The following ZBTB7C variants were observed in gnomAD, a reference collection of about 807,000 sequenced individuals.
ZBTB7C encodes zinc finger and BTB domain containing 7C.
ZBTB7C carries 8 observed loss-of-function variants against 25.7 expected under a neutral mutation model. The observed-to-expected ratio is 0.31, with a 90% CI of 0.18 to 0.56. The LOEUF (loss-of-function observed/expected upper bound fraction) is 0.56, where lower values mean the gene tolerates loss of function less well. Ranked by LOEUF, ZBTB7C falls within the 20% of genes least tolerant of loss-of-function variation. The probability of loss-of-function intolerance (pLI) is 0.91; values close to 1 mark genes in which losing one functional copy is unlikely to be tolerated. For synonymous variants in ZBTB7C, 394 were observed against 369.0 expected (o/e 1.07, Z -0.78); for missense variants, 824 against 855.2 (o/e 0.96, Z 0.46).
chr18:48,295,001 C>G (rs2045347039), intron 2 of ZBTB7C, among the ~76,000 whole-genome samples: 1 of 152,024 alleles, frequency 6.6e-6, no homozygotes, highest in Admixed American at 6.6e-5. Flanking sequence ...CTTGGGGCAT[C>G]CTGCTTCTGC....
intron 3 of ZBTB7C, among the ~76,000 whole-genome samples, chr18:48,068,143 T>TG (rs2037401055): frequency 6.7e-6 from 1 of 149,528 alleles, no homozygotes; most frequent in African/African-American, 2.5e-5. Context: ...TAAGTCTTTT[T>TG]TTTTTTTTTT....
intron 2 of ZBTB7C, among the ~76,000 whole-genome samples, chr18:48,283,744 TAA>T (rs1487095139): frequency 2.6e-5 from 4 of 152,200 alleles, no homozygotes; most frequent in African/African-American, 4.8e-5. Flanking sequence ...AAAATAAGTA[TAA>T]GAGTTCTCCT....
chr18:48,142,605 G>A (rs532972489), intron 3 of ZBTB7C, among the ~76,000 whole-genome samples: 1 of 152,274 alleles, frequency 6.6e-6, no homozygotes, highest in African/African-American at 2.4e-5. Flanking sequence ...CACCCACTGT[G>A]GGAGGAGGGG....
Position 48,377,022 on chromosome 18 carries a change from G to C in ZBTB7C, c.-304+32204C>G, listed in dbSNP as rs185121075. ...TTCAGGGAGAAGGTCTGAGAAAGAG[G>C]GTTCCCAGAAAGAATCCAGGGGCTG... is the stretch of plus-strand genomic sequence containing the variant. On this transcript the variant is annotated intron_variant, in intron 1 of 4. Transcript: ENST00000590800. 3.4e-3 allele frequency among the ~76,000 whole-genome samples: 513 copies of C among 152,290 alleles called. 1 individual carries two copies. Among genetic ancestry groups the C allele is most frequent in the Middle Eastern group, 6.8e-3 (2 of 294 alleles).
chr18:48,108,562 T>C (rs572913337), intron 3 of ZBTB7C, among the ~76,000 whole-genome samples: 10 of 152,228 alleles, frequency 6.6e-5, no homozygotes, highest in African/African-American at 2.4e-4. Context: ...GCCTCCCAGA[T>C]AGTTAGGACT....
At chr18:48,234,701 A>G (rs2043334684) in intron 2 of ZBTB7C, among the ~76,000 whole-genome samples, 1 of 152,194 alleles carries the variant, frequency 6.6e-6, no homozygotes, top group African/African-American at 2.4e-5. Flanking sequence ...TATAGCCACT[A>G]CTTTAAACAT....
rs374294050 is a variant in ZBTB7C, at chr18:48,289,862, G to T, written c.-79+48312C>A. 3.9e-5 allele frequency among the ~76,000 whole-genome samples: 6 copies of T among 152,152 alleles called. No homozygotes were observed. The South Asian group carries it at 1.0e-3, about 26-fold the overall frequency. ...TCTGAAAAGTCCTAGAAGGGTGCAT[G>T]TTAGTCATGATAGCAGTTACCATCC... On this transcript the variant is annotated intron_variant, in intron 2 of 4. Coordinates refer to ENST00000590800, the MANE Select transcript of ZBTB7C (RefSeq NM_001318841.2).
At chr18:48,392,974 T>C (rs1202645027) in intron 1 of ZBTB7C, among the ~76,000 whole-genome samples, 2 of 152,174 alleles carry the variant, frequency 1.3e-5, no homozygotes, top group Non-Finnish European at 2.9e-5. Context: ...CAGTATTTGG[T>C]TGTGTACATA....
At chr18:48,326,383 A>G (rs1489938253) in intron 2 of ZBTB7C, among the ~76,000 whole-genome samples, 1 of 152,194 alleles carries the variant, frequency 6.6e-6, no homozygotes, top group Non-Finnish European at 1.5e-5. Context: ...GGCGTGAGTC[A>G]CCATGCCCGG....
chr18:48,200,170 G>T (rs1361498246), intron 2 of ZBTB7C, among the ~76,000 whole-genome samples: 1 of 152,078 alleles, frequency 6.6e-6, no homozygotes, highest in Non-Finnish European at 1.5e-5. Context: ...ATTTCCCAAG[G>T]GACTCTAAAG....
At chr18:48,144,950 G>T (rs923236712) in intron 3 of ZBTB7C, among the ~76,000 whole-genome samples, 1 of 152,138 alleles carries the variant, frequency 6.6e-6, no homozygotes, top group African/African-American at 2.4e-5. Context: ...CTGGATGGAC[G>T]TCTTCTGGGC....
chr18:48,328,853 A>G (rs995258850), intron 2 of ZBTB7C, among the ~76,000 whole-genome samples: 10 of 152,190 alleles, frequency 6.6e-5, no homozygotes, highest in African/African-American at 1.7e-4. Context: ...GACTCACTAC[A>G]TGGCCGCCAG....
chr18:48,246,778 G>GTGCTT (rs2043707430), intron 2 of ZBTB7C, among the ~76,000 whole-genome samples: 1 of 151,948 alleles, frequency 6.6e-6, no homozygotes, highest in Admixed American at 6.5e-5. Flanking sequence ...TCATCATCAG[G>GTGCTT]TGCTTTGACA....
chr18:48,402,213 A>G (rs2048174937), intron 1 of ZBTB7C, among the ~76,000 whole-genome samples: 1 of 151,544 alleles, frequency 6.6e-6, no homozygotes, highest in Non-Finnish European at 1.5e-5. Flanking sequence ...ACATGAATCC[A>G]GTGATGTGGG....
chr18:48,116,277 TG>T (rs1260601735), intron 3 of ZBTB7C, among the ~76,000 whole-genome samples: 1 of 152,088 alleles, frequency 6.6e-6, no homozygotes, highest in Non-Finnish European at 1.5e-5. Flanking sequence ...GCAAGCTTCT[TG>T]GGGTGGCAAT....
At chr18:48,207,618 C>CT (rs1568302900) in intron 2 of ZBTB7C, among the ~76,000 whole-genome samples, 136 of 102,884 alleles carry the variant, frequency 1.3e-3, no homozygotes, top group Middle Eastern at 5.4e-3. Context: ...TCTATCTATC[C>CT]ATCTAAAATA....
intron 2 of ZBTB7C, among the ~76,000 whole-genome samples, chr18:48,241,989 AG>A (rs2043543737): frequency 6.6e-6 from 1 of 152,204 alleles, no homozygotes; most frequent in Non-Finnish European, 1.5e-5. Flanking sequence ...GATCCAAATA[AG>A]CTCAATTAGA....
At chr18:48,053,609 C>G (rs932086926) in intron 3 of ZBTB7C, among the ~76,000 whole-genome samples, 3 of 152,120 alleles carry the variant, frequency 2.0e-5, no homozygotes, top group Admixed American at 2.0e-4. Flanking sequence ...AGTAGGGAAA[C>G]TGAGGTAGAG....
At chr18:48,351,230 C>T (rs972615464) in intron 1 of ZBTB7C, among the ~76,000 whole-genome samples, 1 of 152,106 alleles carries the variant, frequency 6.6e-6, no homozygotes, top group African/African-American at 2.4e-5. Flanking sequence ...CTTCTTTACC[C>T]CTCCCTGCTG....
Sources: gnomAD v4.1 joint callset for allele counts (sites outside exome capture counted in the v4.1 genomes callset) on GRCh38, gnomAD v4.1.1 for gene constraint, MANE v1.5 for transcripts, NCBI Gene and HGNC (gene_info 2026-07-23, HGNC 2026-07-21) for gene names.